The following CACNG3 variants were observed in gnomAD, a reference collection of about 807,000 sequenced individuals.
The protein encoded by CACNG3 is voltage-dependent calcium channel gamma-3 subunit.
A neutral mutation model predicts 28.5 loss-of-function variants in CACNG3; 3 were observed. That is an observed-to-expected ratio of 0.11 (90% CI 0.05 to 0.27). The LOEUF (loss-of-function observed/expected upper bound fraction) is 0.27. Ranked by LOEUF, CACNG3 falls within the 10% of genes least tolerant of loss-of-function variation. CACNG3 has a pLI of 1.00. For missense variants in CACNG3, 236 were observed against 414.4 expected (o/e 0.57, Z 3.74); for synonymous variants, 174 against 162.2 (o/e 1.07, Z -0.55).
chr16:24,304,553 C>CAACA (rs1199654201), intron 1 of CACNG3, among the ~76,000 whole-genome samples: 1 of 152,082 alleles, frequency 6.6e-6, no homozygotes, highest in Admixed American at 6.6e-5. Flanking sequence ...ACTTGACCTC[C>CAACA]AACAGCACAG....
chr16:24,349,933 C>T (rs1233348676), intron 2 of CACNG3, among the ~76,000 whole-genome samples: 1 of 152,216 alleles, frequency 6.6e-6, no homozygotes, highest in Non-Finnish European at 1.5e-5. Context: ...TTCCACGACA[C>T]AGCACTGGAC....
intron 1 of CACNG3, 142 bp from the exon 2 acceptor site, chr16:24,346,592 G>A (rs1044150999): frequency 3.8e-5 from 23 of 612,510 alleles, no homozygotes; most frequent in African/African-American, 1.7e-4. Context: ...AAAAAATAAA[G>A]GTGCTCTTGG....
intron 3 of CACNG3, among the ~76,000 whole-genome samples, chr16:24,356,531 G>A (rs574841906): frequency 1.8e-4 from 27 of 152,042 alleles, no homozygotes; most frequent in Non-Finnish European, 3.1e-4. Context: ...TGCAAGACCC[G>A]ATCTGCACAA....
rs191874137 is a variant in CACNG3, at chr16:24,292,416, G to A, written c.211+35451G>A. On this transcript the variant is annotated intron_variant, in intron 1 of 3. Coordinates refer to ENST00000005284, the MANE Select transcript of CACNG3 (RefSeq NM_006539.4). ...TTGAGGAACATTAGATCAGCAGAGT[G>A]CTGGACACTGATTCCTTTTTGACAT... Among the ~76,000 whole-genome samples the A allele has an allele frequency of 3.7e-4, 56 of 152,296 alleles. 1 individual carries two copies. In the East Asian group the frequency reaches 7.0e-3, roughly 19 times the overall value.
intron 1 of CACNG3, among the ~76,000 whole-genome samples, chr16:24,267,115 C>T (rs1425241514): frequency 6.6e-6 from 1 of 151,552 alleles, no homozygotes; most frequent in South Asian, 2.1e-4. Flanking sequence ...TACAGGAGCC[C>T]GCCACCACAC....
intron 1 of CACNG3, among the ~76,000 whole-genome samples, chr16:24,299,003 G>C (rs1899070320): frequency 1.3e-5 from 2 of 152,152 alleles, no homozygotes; most frequent in Admixed American, 6.5e-5. Flanking sequence ...TTGATCGCCT[G>C]TCTGAAGTCG....
chr16:24,330,471 C>A (rs1267034486), intron 1 of CACNG3, among the ~76,000 whole-genome samples: 1 of 152,216 alleles, frequency 6.6e-6, no homozygotes, highest in Non-Finnish European at 1.5e-5. Context: ...GTCCATCTGA[C>A]GACAGAGGCT....
At chr16:24,326,297 GAGTAGCTGGGATTACAGGCATGCGCC>G (rs2141371756) in intron 1 of CACNG3, among the ~76,000 whole-genome samples, 1 of 151,446 alleles carries the variant, frequency 6.6e-6, no homozygotes, top group South Asian at 2.1e-4. Context: ...TCAGCCTCCC[GAGTAGCTGGGATTACAGGCATGCGCC>G]AGTAGGCCCG....
At chr16:24,274,380 G>A (rs951815080) in intron 1 of CACNG3, among the ~76,000 whole-genome samples, 1 of 152,026 alleles carries the variant, frequency 6.6e-6, no homozygotes, top group Admixed American at 6.6e-5. Context: ...CTTAATATTT[G>A]TTCAACTCTT....
chr16:24,317,610 G>GGA lies in CACNG3; in HGVS notation c.212-29124_212-29123insGA, dbSNP rs1376861527. Among the ~76,000 whole-genome samples the GGA allele has an allele frequency of 2.4e-3, 162 of 66,598 alleles. 8 individuals are homozygous for GGA. Among genetic ancestry groups the GGA allele is most frequent in the Middle Eastern group, 0.014 (2 of 148 alleles). 43.7% of individuals were successfully genotyped at this position (66,598 alleles called of 152,430 possible). On this transcript the variant is annotated intron_variant, in intron 1 of 3. Coordinates refer to ENST00000005284, the MANE Select transcript of CACNG3 (RefSeq NM_006539.4). ...AGAAAGAAAGAAAGAAAGAAAGAAA[G>GGA]AAAGAAAGAAAGAAAGACAGACAGA...
intron 1 of CACNG3, among the ~76,000 whole-genome samples, chr16:24,286,446 CAT>C (rs983193876): frequency 6.1e-4 from 91 of 148,080 alleles, no homozygotes; most frequent in African/African-American, 1.9e-3. Context: ...ATATATATAT[CAT>C]ATATATATAT....
chr16:24,334,479 C>T (rs1255496381), intron 1 of CACNG3, among the ~76,000 whole-genome samples: 4 of 152,280 alleles, frequency 2.6e-5, no homozygotes, highest in African/African-American at 4.8e-5. Context: ...CAGGACCCTC[C>T]GTGTGGGCTG....
At chr16:24,322,003 G>A (rs1239722780) in intron 1 of CACNG3, among the ~76,000 whole-genome samples, 1 of 152,174 alleles carries the variant, frequency 6.6e-6, no homozygotes, top group African/African-American at 2.4e-5. Context: ...TGGATGAGAA[G>A]GGACTGCTGT....
intron 1 of CACNG3, among the ~76,000 whole-genome samples, chr16:24,320,169 A>C (rs1207008722): frequency 6.6e-6 from 1 of 152,190 alleles, no homozygotes; most frequent in Non-Finnish European, 1.5e-5. Context: ...GGAATGCGTG[A>C]TCTGCTGTGC....
rs184170272 is a variant in CACNG3 at position 24,338,061 on chromosome 16, G to A, written c.212-8673G>A. 2.7e-4 allele frequency among the ~76,000 whole-genome samples: 41 copies of A among 152,202 alleles called. No homozygotes were observed. In the East Asian group the frequency reaches 4.5e-3, roughly 17 times the overall value. ...GCTGGAAGGGCAGCTGATGGACCCA[G>A]TGAAACCACCGCAATAGGCCTTCTT... On this transcript the variant is annotated intron_variant, in intron 1 of 3. Transcript: ENST00000005284.
intron 2 of CACNG3, among the ~76,000 whole-genome samples, chr16:24,348,699 T>C (rs867281226): frequency 6.6e-6 from 1 of 152,212 alleles, no homozygotes; most frequent in South Asian, 2.1e-4. Flanking sequence ...TTAACCAAAA[T>C]TTGGGAGATG....
At position 24,308,106 on chromosome 16, in the gene CACNG3, A is replaced by T. The variant is rs551824192; in HGVS notation, c.212-38628A>T. Among the ~76,000 whole-genome samples the T allele has an allele frequency of 2.1e-3, 325 of 152,298 alleles. 4 individuals are homozygous for T. The highest frequency in any genetic ancestry group is 7.7e-3 in the African/African-American group (318 of 41,554). The stretch of plus-strand genomic sequence containing the variant: ...ATGTGTGGAGCCAACACTTAATTGC[A>T]TCCAAAACTCCTGGGCATAAAACAG... On this transcript the variant is annotated intron_variant, in intron 1 of 3. Transcript: ENST00000005284.
At chr16:24,265,768 TA>T (rs951910445) in intron 1 of CACNG3, among the ~76,000 whole-genome samples, 2 of 152,216 alleles carry the variant, frequency 1.3e-5, no homozygotes, top group African/African-American at 4.8e-5. Context: ...ATGTTGTCAA[TA>T]AAAAATTTAT....
chr16:24,325,909 G>A (rs1899535413), intron 1 of CACNG3, among the ~76,000 whole-genome samples: 1 of 152,230 alleles, frequency 6.6e-6, no homozygotes, highest in Non-Finnish European at 1.5e-5. Context: ...AGCGTAAGCA[G>A]CCACATAAGC....
Sources: allele counts gnomAD v4.1 joint callset (sites outside exome capture counted in the v4.1 genomes callset), GRCh38; gene constraint gnomAD v4.1.1; transcripts MANE v1.5; gene names NCBI Gene and HGNC (gene_info 2026-07-23, HGNC 2026-07-21).